SPANXN1: variants seen among roughly 807,000 people sequenced by gnomAD.
SPANXN1 encodes the protein sperm protein associated with the nucleus on the X chromosome N1.
SPANXN1 carries 1 observed loss-of-function variant against 2.0 expected under a neutral mutation model. The ratio of observed to expected loss-of-function variants is 0.50; its 90% confidence interval spans 0.18 to 2.36. SPANXN1 has a LOEUF of 2.36. Among genes scored for constraint, SPANXN1 ranks in the 30% most tolerant of loss-of-function variants. The pLI is 0.26. For synonymous variants in SPANXN1, 27 were observed against 21.3 expected (o/e 1.27, Z -0.74); for missense variants, 55 against 51.8 (o/e 1.06, Z -0.19).
intron 1 of SPANXN1, among the ~76,000 whole-genome samples, chrX:145,248,386 T>A (rs781787793): frequency 1.8e-4 from 20 of 111,100 alleles, no homozygotes; most frequent in Admixed American, 7.7e-4. Flanking sequence ...AAATGTACTA[T>A]CAGGAGGAGG....
chrX:145,251,698 G>T (rs1239307043), intron 1 of SPANXN1, among the ~76,000 whole-genome samples: 4 of 111,776 alleles, frequency 3.6e-5, no homozygotes, highest in Middle Eastern at 9.3e-3. Flanking sequence ...TTTGGTTTTG[G>T]TTTTTTGTTT....
At chrX:145,248,419 G>A (rs782662234) in intron 1 of SPANXN1, among the ~76,000 whole-genome samples, 36 of 111,436 alleles carry the variant, frequency 3.2e-4, no homozygotes, top group African/African-American at 1.2e-3. Context: ...CCTAAGAAAG[G>A]GACCACCTGC....
At chrX:145,253,087 C>T (rs1280241046) in intron 1 of SPANXN1, among the ~76,000 whole-genome samples, 5 of 111,179 alleles carry the variant, frequency 4.5e-5, no homozygotes, top group South Asian at 3.9e-4. Flanking sequence ...TCTTCAGGTA[C>T]GGGTGGTGAA....
intron 1 of SPANXN1, among the ~76,000 whole-genome samples, chrX:145,248,019 A>G (rs1202946850): frequency 1.8e-5 from 2 of 112,089 alleles, no homozygotes; most frequent in Non-Finnish European, 3.8e-5. Flanking sequence ...ATGATTAGGC[A>G]AGATTTTTCT....
intron 1 of SPANXN1, among the ~76,000 whole-genome samples, chrX:145,248,214 A>T (rs1357360989): frequency 9.0e-6 from 1 of 111,178 alleles, no homozygotes; most frequent in Non-Finnish European, 1.9e-5. Context: ...TTGGGTTTTG[A>T]AGCAGTGGGT....
chrX:145,252,969 T>C (rs1484663782), intron 1 of SPANXN1, among the ~76,000 whole-genome samples: 1 of 111,344 alleles, frequency 9.0e-6, no homozygotes, highest in Non-Finnish European at 1.9e-5. Context: ...CTAGTTGTCC[T>C]ATTGAGCATC....
rs1556883129 is a variant in SPANXN1 at position 145,255,854 on chromosome X, G to A, written c.*40G>A. 1 of 1,212,061 alleles carries A rather than the reference G, an allele frequency of 8.3e-7. No individual in the cohort carries two copies. On this transcript the variant is annotated 3_prime_UTR_variant, in exon 2 of 2. Transcript: ENST00000370493. ...TCCAGTCCAAGAGGAGGAGGACGAA[G>A]GCCTAGACTCAGCTGAAGGATCTTC...
intron 1 of SPANXN1, among the ~76,000 whole-genome samples, chrX:145,251,835 T>C (rs1365141668): frequency 3.6e-5 from 4 of 110,862 alleles, no homozygotes; most frequent in African/African-American, 1.3e-4. Context: ...TGGCCAAAAG[T>C]ATCCCACAAG....
chrX:145,252,392 A>T (rs782345121), intron 1 of SPANXN1, among the ~76,000 whole-genome samples: 1 of 111,147 alleles, frequency 9.0e-6, no homozygotes, highest in Non-Finnish European at 1.9e-5. Context: ...CTGGTTAACA[A>T]CTTGGAGATC....
rs1213855042 is a variant in SPANXN1, at chrX:145,255,562, A to G, written c.76-109A>G. The G allele has an allele frequency of 1.5e-4, 168 of 1,096,387 alleles. 1 individual carries two copies. In the East Asian group the frequency reaches 2.0e-3, roughly 13 times the overall value. The allele number at this position is 1,096,387 out of a possible 1,213,427, so 90.4% of individuals were successfully genotyped here. A position where few individuals can be genotyped will look rare whatever the true frequency, so the allele number is the denominator to read the frequency against. On this transcript the variant is annotated intron_variant, in intron 1 of 1. Coordinates refer to ENST00000370493, the MANE Select transcript of SPANXN1 (RefSeq NM_001009614.3). ...TCAACCTTGTTCTTCTCTGGCACAC[A>G]CCCCTTCCTCCACCTGCATTCCTTC...
At chrX:145,250,374 C>T (rs1401124194) in intron 1 of SPANXN1, among the ~76,000 whole-genome samples, 4 of 110,969 alleles carry the variant, frequency 3.6e-5, no homozygotes, top group African/African-American at 1.3e-4. Flanking sequence ...CTAGTCCTGC[C>T]CTGGTAAGTG....
chrX:145,249,165 G>A, intron 1 of SPANXN1, among the ~76,000 whole-genome samples: 1 of 110,796 alleles, frequency 9.0e-6, no homozygotes, highest in South Asian at 3.9e-4. Flanking sequence ...ATGTGGCCAG[G>A]TTGACAGGAA....
chrX:145,247,923 G>A (rs140776723), intron 1 of SPANXN1, among the ~76,000 whole-genome samples: 1,214 of 112,524 alleles, frequency 0.011, 12 homozygotes, highest in African/African-American at 0.037. Context: ...CCAGTGGGAT[G>A]TCATTGTGGT....
At chrX:145,252,184 A>C (rs1556882586) in intron 1 of SPANXN1, among the ~76,000 whole-genome samples, 1 of 111,568 alleles carries the variant, frequency 9.0e-6, no homozygotes, top group African/African-American at 3.3e-5. Context: ...GTGGGAGTAT[A>C]ATCCATGTTA....
chrX:145,255,553 C>T, intron 1 of SPANXN1, 118 bp from the exon 2 acceptor site: 1 of 1,058,050 alleles, frequency 9.5e-7, no homozygotes, highest in Non-Finnish European at 1.3e-6. Flanking sequence ...TTGTTCTTCT[C>T]TGGCACACAC....
At chrX:145,251,826 G>A (rs1328144497) in intron 1 of SPANXN1, among the ~76,000 whole-genome samples, 2 of 110,802 alleles carry the variant, frequency 1.8e-5, no homozygotes, top group Admixed American at 9.6e-5. Context: ...GGAAATTCAT[G>A]GCCAAAAGTA....
intron 1 of SPANXN1, among the ~76,000 whole-genome samples, chrX:145,255,054 C>T (rs1161028341): frequency 2.7e-5 from 3 of 111,063 alleles, no homozygotes; most frequent in South Asian, 7.7e-4. Context: ...GAAGAGAAGG[C>T]GAGGATGAAA....
Position 145,255,558 on chromosome X carries a change from A to T in SPANXN1, c.76-113A>T, listed in dbSNP as rs202234477. 0.031 allele frequency: 33,081 copies of T among 1,079,421 alleles called. 4,740 individuals carry two copies. The African/African-American group carries it at 0.46, about 15-fold the overall frequency. The allele number at this position is 1,079,421 out of a possible 1,213,427, so 89.0% of individuals were successfully genotyped here. ...TGATTCAACCTTGTTCTTCTCTGGC[A>T]CACACCCCTTCCTCCACCTGCATTC... is the stretch of plus-strand genomic sequence containing the variant. On this transcript the variant is annotated intron_variant, in intron 1 of 1. Transcript: ENST00000370493.
chrX:145,250,541 C>T (rs782116398), intron 1 of SPANXN1, among the ~76,000 whole-genome samples: 6 of 111,548 alleles, frequency 5.4e-5, no homozygotes, highest in Non-Finnish European at 1.1e-4. Flanking sequence ...GGGCAGTAAC[C>T]GGCATGGAAA....
Sources: allele counts gnomAD v4.1 joint callset (sites outside exome capture counted in the v4.1 genomes callset), GRCh38; gene constraint gnomAD v4.1.1; transcripts MANE v1.5; gene names NCBI Gene and HGNC (gene_info 2026-07-23, HGNC 2026-07-21).